Variants in ZNF45 observed in about 807,000 individuals in gnomAD.
ZNF45 encodes the protein zinc finger protein 45.
ZNF45 carries 4 observed loss-of-function variants against 12.0 expected under a neutral mutation model. That is an observed-to-expected ratio of 0.33 (90% CI 0.16 to 0.76). The LOEUF (loss-of-function observed/expected upper bound fraction) is 0.76. Among genes scored for constraint, ZNF45 ranks in the 30% least tolerant of loss-of-function variants. The pLI is 0.60. For missense variants in ZNF45, 700 were observed against 813.0 expected (o/e 0.86, Z 1.69); for synonymous variants, 272 against 279.6 (o/e 0.97, Z 0.27).
At chr19:43,920,072 C>T (rs1315357258) in intron 7 of ZNF45, among the ~76,000 whole-genome samples, 1 of 152,048 alleles carries the variant, frequency 6.6e-6, no homozygotes. Context: ...TTTTCCATAC[C>T]ATAGATAACA....
At chr19:43,922,817 T>A (rs1231752015) in intron 6 of ZNF45, among the ~76,000 whole-genome samples, 1 of 115,670 alleles carries the variant, frequency 8.6e-6, no homozygotes, top group Admixed American at 1.2e-4. Flanking sequence ...CAATAAATTC[T>A]TTGTTTTTTT....
At chr19:43,920,210 T>C (rs1444618918) in intron 7 of ZNF45, among the ~76,000 whole-genome samples, 1 of 152,236 alleles carries the variant, frequency 6.6e-6, no homozygotes, top group Non-Finnish European at 1.5e-5. Context: ...TATTTTTCTT[T>C]GGTATCTCAC....
chr19:43,929,079 G>C (rs574290722), intron 3 of ZNF45, among the ~76,000 whole-genome samples: 1 of 152,338 alleles, frequency 6.6e-6, no homozygotes, highest in Non-Finnish European at 1.5e-5. Context: ...GAAAAGTCAG[G>C]ATTTTCACCC....
intron 7 of ZNF45, among the ~76,000 whole-genome samples, chr19:43,920,529 G>T (rs1973043433): frequency 8.9e-6 from 1 of 112,340 alleles, no homozygotes; most frequent in Non-Finnish European, 1.9e-5. Flanking sequence ...TCCAGATGTT[G>T]CCGGGTGGGG....
chr19:43,932,188 T>A (rs1331135524), intron 3 of ZNF45, among the ~76,000 whole-genome samples: 2 of 152,038 alleles, frequency 1.3e-5, no homozygotes, highest in African/African-American at 4.8e-5. Context: ...ATACAAAAAT[T>A]AGCTGGGCAT....
chr19:43,914,169 T>C lies in ZNF45; in HGVS notation c.1267A>G (p.Lys423Glu). Reference protein sequence around the residue: ...EKPYQCDACGKGFSRSSDFNI... With the variant: ...EKPYQCDACGEGFSRSSDFNI... ...AAATCTGAGCTACGACTGAAGCCCT[T>C]ACCACATGCATCACACTGATACGGT... Residue 423 changes from lysine to glutamate, a missense_variant, in exon 10 of 10, where the codon AAG becomes GAG. Physicochemically the swap from Lys to Glu is moderately conservative, Grantham distance 56. Transcript: ENST00000269973. 1 of 1,608,582 alleles carries C rather than the reference T, an allele frequency of 6.2e-7. No homozygotes were observed. Among genetic ancestry groups the C allele is most frequent in the Non-Finnish European group, 8.5e-7 (1 of 1,175,798 alleles).
chr19:43,916,942 C>G (rs1408458354), intron 9 of ZNF45, among the ~76,000 whole-genome samples: 2 of 151,416 alleles, frequency 1.3e-5, no homozygotes, highest in Non-Finnish European at 2.9e-5. Context: ...GGACTGATTG[C>G]TTCTAAAATT....
chr19:43,927,949 C>T (rs986430406), intron 3 of ZNF45, among the ~76,000 whole-genome samples: 11 of 151,590 alleles, frequency 7.3e-5, no homozygotes, highest in Non-Finnish European at 1.3e-4. Context: ...GTGAGGCAGG[C>T]GGATCACCTG....
chr19:43,913,704 G>A lies in ZNF45; in HGVS notation c.1732C>T (p.His578Tyr). ...ASNFLAHRGV[H>Y]TGEKPYRCDV... ...CATCGGTATGGTTTTTCTCCTGTGT[G>A]GACTCCACGATGTGCCAGAAAATTG... The change falls in exon 10 of 10, where the codon CAC (histidine) becomes TAC (tyrosine). Residue 578 changes from histidine to tyrosine, a missense_variant. His to Tyr is a moderately conservative substitution (Grantham distance 83, BLOSUM62 2). Coordinates refer to ENST00000269973, the MANE Select transcript of ZNF45 (RefSeq NM_003425.4). The A allele has an allele frequency of 6.2e-7, 1 of 1,613,810 alleles. No homozygotes were observed. The highest frequency in any genetic ancestry group is 8.5e-7 in the Non-Finnish European group (1 of 1,179,996).
rs1487696168 is a variant in ZNF45 at position 43,914,069 on chromosome 19, G to A, written c.1367C>T (p.Ala456Val). The change falls in exon 10 of 10, where the codon GCC becomes GTC. Residue 456 changes from alanine (A) to valine (V), a missense_variant. Ala to Val is a moderately conservative substitution (Grantham distance 64). Coordinates refer to ENST00000269973, the MANE Select transcript of ZNF45 (RefSeq NM_003425.4). Reference sequence around the variant, plus strand: ...TCTTTGATGGGCCAGAAGATTTGAGGCCTGGCTGAAGCCCTTGCCACACTC... The same window carrying A: ...TCTTTGATGGGCCAGAAGATTTGAGACCTGGCTGAAGCCCTTGCCACACTC... Reference protein sequence around the residue: ...CEECGKGFSQASNLLAHQRGH... With the variant: ...CEECGKGFSQVSNLLAHQRGH... 6.2e-7 allele frequency: 1 copy of A among 1,613,430 alleles called. No individual in the cohort carries two copies. Among genetic ancestry groups the A allele is most frequent in the Non-Finnish European group, 8.5e-7 (1 of 1,179,796 alleles).
chr19:43,915,232 C>T (rs759188814), intron 9 of ZNF45, 32 bp from the exon 10 acceptor site: 19 of 1,464,974 alleles, frequency 1.3e-5, no homozygotes, highest in Non-Finnish European at 1.7e-5. Flanking sequence ...GGAGATGGGG[C>T]ATGTGAATAA....
intron 7 of ZNF45, among the ~76,000 whole-genome samples, chr19:43,921,937 A>AT (rs1456952751): frequency 6.6e-6 from 1 of 152,208 alleles, no homozygotes; most frequent in Non-Finnish European, 1.5e-5. Flanking sequence ...AAAATGAGAG[A>AT]TTTTTATTGT....
chr19:43,930,987 T>TA (rs1322469775), intron 3 of ZNF45, among the ~76,000 whole-genome samples: 1 of 151,836 alleles, frequency 6.6e-6, no homozygotes, highest in Non-Finnish European at 1.5e-5. Flanking sequence ...TCAGACTAGT[T>TA]ACGTTTCAGG....
chr19:43,919,781 A>G, intron 7 of ZNF45, 82 bp from the exon 8 acceptor site: 1 of 1,489,346 alleles, frequency 6.7e-7, no homozygotes, highest in Non-Finnish European at 9.2e-7. Flanking sequence ...TGTGAAAAAG[A>G]TGTGTAGGGA....
chr19:43,929,448 C>T (rs1340365537), intron 3 of ZNF45, among the ~76,000 whole-genome samples: 1 of 152,184 alleles, frequency 6.6e-6, no homozygotes, highest in Non-Finnish European at 1.5e-5. Context: ...AAATTATGTG[C>T]ATCTTCCCTG....
Position 43,913,898 on chromosome 19 carries a change from G to A in ZNF45, c.1538C>T (p.Ser513Phe), listed in dbSNP as rs773195519. 13 of 1,603,612 alleles carry A rather than the reference G, an allele frequency of 8.1e-6. No homozygotes were observed. Among genetic ancestry groups the A allele is most frequent in the Non-Finnish European group, 1.0e-5 (12 of 1,172,566 alleles). The change falls in exon 10 of 10, where the codon TCC becomes TTC. Residue 513 changes from serine (S) to phenylalanine (F), a missense_variant. Transcript: ENST00000269973. ...ERCGKAFSQF[S>F]SLQVHQRVHT... Reference sequence around the variant, plus strand: ...AACTCTCTGATGCACCTGAAGGCTGGAGAACTGACTGAAGGCCTTACCACA... The same window carrying A: ...AACTCTCTGATGCACCTGAAGGCTGAAGAACTGACTGAAGGCCTTACCACA...
chr19:43,913,342 A>G lies in ZNF45; in HGVS notation c.*45T>C. On this transcript the variant is annotated 3_prime_UTR_variant, in exon 10 of 10. Transcript: ENST00000269973. Reference sequence around the variant, plus strand: ...AAATGTTTTGTCTATGATAGCTCTGATTATTAAAATATTTCAGCACCCATC... The same window carrying G: ...AAATGTTTTGTCTATGATAGCTCTGGTTATTAAAATATTTCAGCACCCATC... The G allele has an allele frequency of 1.3e-6, 2 of 1,517,230 alleles. No homozygotes were observed. Among genetic ancestry groups the G allele is most frequent in the Non-Finnish European group, 1.8e-6 (2 of 1,134,828 alleles). The allele number at this position is 1,517,230 out of a possible 1,614,324, so 94.0% of individuals were successfully genotyped here.
chr19:43,913,970 A>G lies in ZNF45; in HGVS notation c.1466T>C (p.Val489Ala), dbSNP rs148435692. ...KGFSRSSDLN[V>A]HCRIHTGEKP... is the part of the protein sequence containing the mutation. ...CTCTCCTGTGTGGATTCTACAGTGTACATTAAGATCTGAGCTCCGACTGAA... is the reference window on the plus strand; with the variant it reads ...CTCTCCTGTGTGGATTCTACAGTGTGCATTAAGATCTGAGCTCCGACTGAA... Residue 489 changes from valine (V) to alanine (A), a missense_variant, in exon 10 of 10, where the codon GTA becomes GCA. Val to Ala is a moderately conservative substitution (Grantham distance 64). Transcript: ENST00000269973. The G allele has an allele frequency of 5.6e-6, 9 of 1,612,206 alleles. No individual in the cohort carries two copies. In the African/African-American group the frequency reaches 1.2e-4, roughly 22 times the overall value.
At chr19:43,923,846 T>C (rs1335183219) in intron 6 of ZNF45, among the ~76,000 whole-genome samples, 1 of 151,992 alleles carries the variant, frequency 6.6e-6, no homozygotes, top group Admixed American at 6.6e-5. Context: ...TTGCAAAATT[T>C]GGCTGTGTAG....
Sources: allele counts gnomAD v4.1 joint callset (sites outside exome capture counted in the v4.1 genomes callset), GRCh38; gene constraint gnomAD v4.1.1; transcripts MANE v1.5; gene names NCBI Gene and HGNC (gene_info 2026-07-23, HGNC 2026-07-21).